The following WSB1 variants were observed in gnomAD, a reference collection of about 807,000 sequenced individuals.
WSB1 encodes the protein WD repeat and SOCS box containing 1.
A neutral mutation model predicts 50.2 loss-of-function variants in WSB1; 23 were observed. That is an observed-to-expected ratio of 0.46 (90% CI 0.33 to 0.65). The LOEUF (loss-of-function observed/expected upper bound fraction) is 0.65. Ranked by LOEUF, WSB1 falls within the 30% of genes least tolerant of loss-of-function variation. WSB1 has a pLI of 0.02. For synonymous variants in WSB1, 179 were observed against 172.0 expected (o/e 1.04, Z -0.32); for missense variants, 492 against 522.3 (o/e 0.94, Z 0.56).
At position 27,314,001 on chromosome 17, in the gene WSB1, A is replaced by G. The variant is rs1276394804; in HGVS notation, c.*1632A>G. On this transcript the variant is annotated 3_prime_UTR_variant, in exon 9 of 9. Coordinates refer to ENST00000262394, the MANE Select transcript of WSB1 (RefSeq NM_015626.10). ...AGCAGTCTGGGTCCTTTGAGAAGGC[A>G]TTAAAAAAGCAAAACTCTTATGAGC... The G allele has an allele frequency of 6.6e-6, 1 of 152,244 alleles. No individual in the cohort carries two copies. Among genetic ancestry groups the G allele is most frequent in the African/African-American group, 2.4e-5 (1 of 41,466 alleles). 9.4% of individuals were successfully genotyped at this position (152,244 alleles called of 1,614,324 possible). A position where few individuals can be genotyped will look rare whatever the true frequency, so the allele number is the denominator to read the frequency against.
intron 5 of WSB1, chr17:27,307,115 G>GT (rs772741598): frequency 0.11 from 38,765 of 367,484 alleles, 215 homozygotes; most frequent in South Asian, 0.13. Context: ...GCATATCAGG[G>GT]TTTTTTTTTT....
In WSB1 at chr17:27,312,212, C is replaced by T. The variant is rs749064771; in HGVS notation, c.1109C>T (p.Thr370Ile). ...STDGSVLAAG[T>I]HDGSVYFWAT... ...GCATGTGCTTTGTTTCTGTTTAGGA[C>T]ACATGACGGAAGTGTGTATTTTTGG... Residue 370 changes from threonine (T) to isoleucine (I), a missense_variant and splice_region_variant, in exon 9 of 9, where the codon ACA becomes ATA. Thr to Ile is a moderately conservative substitution (Grantham distance 89). Transcript: ENST00000262394. 2 of 1,607,258 alleles carry T rather than the reference C, an allele frequency of 1.2e-6. No homozygotes were observed. Among genetic ancestry groups the T allele is most frequent in the Non-Finnish European group, 1.7e-6 (2 of 1,178,142 alleles).
chr17:27,294,229 A>G lies in WSB1; in HGVS notation c.-167A>G. On this transcript the variant is annotated 5_prime_UTR_variant, in exon 1 of 9. Transcript: ENST00000262394. ...CGTACTTTGGTCTGAGGCCTTCGGG[A>G]GCTTTCCCGAGGCAGTTAGCAGAAG... 1.2e-6 allele frequency: 1 copy of G among 845,268 alleles called. No individual in the cohort carries two copies. The highest frequency in any genetic ancestry group is 1.8e-6 in the Non-Finnish European group (1 of 546,904). The allele number at this position is 845,268 out of a possible 1,614,324, so 52.4% of individuals were successfully genotyped here.
chr17:27,309,337 T>C, intron 6 of WSB1, 65 bp downstream of exon 6: 1 of 1,300,858 alleles, frequency 7.7e-7, no homozygotes, highest in Middle Eastern at 2.0e-4. Flanking sequence ...TGTGAATAAT[T>C]ACAATCACCA....
rs558450325 is a variant in WSB1 at position 27,304,988 on chromosome 17, G to A, written c.610+77G>A. On this transcript the variant is annotated intron_variant, in intron 4 of 8. Transcript: ENST00000262394. ...TGGAGAGGTATTGGGAACATGTGGG[G>A]CATTTGACTTTAAAAATGACATGTG... is the stretch of plus-strand genomic sequence containing the variant. The A allele has an allele frequency of 1.1e-5, 17 of 1,550,652 alleles. No individual in the cohort carries two copies. In the African/African-American group the frequency reaches 2.2e-4, roughly 20 times the overall value.
rs184912090 is a variant in WSB1, at chr17:27,295,458, T to G, written c.40+1023T>G. 1.5e-3 allele frequency among the ~76,000 whole-genome samples: 223 copies of G among 152,280 alleles called. 1 individual carries two copies. Among genetic ancestry groups the G allele is most frequent in the African/African-American group, 5.2e-3 (217 of 41,550 alleles). The stretch of plus-strand genomic sequence containing the variant: ...ATTTTTATATCTAGAAACAGCTGTT[T>G]TAGAATTCTGGACTTTTGTTGTCTT... On this transcript the variant is annotated intron_variant, in intron 1 of 8. Coordinates refer to ENST00000262394, the MANE Select transcript of WSB1 (RefSeq NM_015626.10).
rs2017243342 is a variant in WSB1 at position 27,301,829 on chromosome 17, C to T, written c.82C>T (p.Pro28Ser). ...AGGTGAACTTTTAGCTCCTGCAGCT[C>T]CTTTTGACAAGAAATGTGGTCGTGA... Reference protein sequence around the residue: ...TIGELLAPAAPFDKKCGRENW... With the variant: ...TIGELLAPAASFDKKCGRENW... The change falls in exon 2 of 9, where the codon CCT becomes TCT. Residue 28 changes from proline (P) to serine (S), a missense_variant. Physicochemically the swap from Pro to Ser is moderately conservative, Grantham distance 74. Transcript: ENST00000262394. 1.2e-6 allele frequency: 2 copies of T among 1,613,968 alleles called. No individual in the cohort carries two copies. The highest frequency in any genetic ancestry group is 1.7e-5 in the Admixed American group (1 of 59,978).
intron 8 of WSB1, 72 bp downstream of exon 8, chr17:27,311,688 G>C (rs1286997249): frequency 1.4e-5 from 16 of 1,107,206 alleles, no homozygotes; most frequent in Non-Finnish European, 1.9e-5. Flanking sequence ...CTGGAGTACA[G>C]TGGTGCAATC....
chr17:27,312,024 TA>T (rs1223484143), intron 8 of WSB1, among the ~76,000 whole-genome samples, 185 bp from the exon 9 acceptor site: 1 of 152,220 alleles, frequency 6.6e-6, no homozygotes, highest in Non-Finnish European at 1.5e-5. Context: ...AAAACTCTAA[TA>T]AGTGTTCTTC....
At chr17:27,304,740 A>G (rs1597760394) in intron 3 of WSB1, 40 bp from the exon 4 acceptor site, 1 of 1,594,766 alleles carries the variant, frequency 6.3e-7, no homozygotes, top group Non-Finnish European at 8.6e-7. Context: ...ACAAAAATAT[A>G]TTAATACTGT....
intron 4 of WSB1, 47 bp from the exon 5 acceptor site, chr17:27,306,735 T>C (rs2017476354): frequency 1.3e-6 from 2 of 1,578,162 alleles, no homozygotes; most frequent in Non-Finnish European, 1.7e-6. Context: ...ATACTGCTCA[T>C]TTGAAGTGGA....
chr17:27,307,899 A>G (rs2017523235), intron 5 of WSB1: 7 of 1,438,832 alleles, frequency 4.9e-6, no homozygotes, highest in Non-Finnish European at 6.4e-6. Context: ...TTCGGCTGCA[A>G]GGTGTACTGT....
At chr17:27,306,391 T>G (rs2017459777) in intron 4 of WSB1, among the ~76,000 whole-genome samples, 2 of 151,974 alleles carry the variant, frequency 1.3e-5, no homozygotes, top group Non-Finnish European at 2.9e-5. Flanking sequence ...TTTTTAATGT[T>G]TTTTAGTAGA....
At chr17:27,307,015 G>A in intron 5 of WSB1, 133 bp downstream of exon 5, 1 of 806,150 alleles carries the variant, frequency 1.2e-6, no homozygotes, top group East Asian at 2.9e-5. Context: ...ATTTCATGAT[G>A]GGGGAGAATT....
intron 2 of WSB1, 179 bp from the exon 3 acceptor site, chr17:27,303,188 T>C (rs2017305413): frequency 1.6e-6 from 1 of 625,976 alleles, no homozygotes; most frequent in Non-Finnish European, 2.6e-6. Flanking sequence ...TTTCTATTAA[T>C]GTCCTTCTCT....
intron 3 of WSB1, 138 bp from the exon 4 acceptor site, chr17:27,304,642 G>T: frequency 2.9e-6 from 2 of 691,082 alleles, no homozygotes; most frequent in South Asian, 4.7e-5. Context: ...AACCCAGGAG[G>T]TCGAGGCTGT....
rs953256937 is a variant in WSB1 at position 27,306,712 on chromosome 17, C to G, written c.611-70C>G. ...TAAATGTTTGTGATCCTTTGCTTTA[C>G]TGCTGTTTTGAAATACTGCTCATTT... On this transcript the variant is annotated intron_variant, in intron 4 of 8. Transcript: ENST00000262394. 1.0e-5 allele frequency: 15 copies of G among 1,460,900 alleles called. No homozygotes were observed. The African/African-American group carries it at 1.8e-4, about 18-fold the overall frequency. 90.5% of individuals were successfully genotyped at this position (1,460,900 alleles called of 1,614,324 possible).
At chr17:27,312,133 G>A in intron 8 of WSB1, 77 bp from the exon 9 acceptor site, 2 of 1,528,750 alleles carry the variant, frequency 1.3e-6, no homozygotes, top group Non-Finnish European at 1.8e-6. Context: ...CATGTATTGG[G>A]TGATAGTTGT....
intron 2 of WSB1, 172 bp from the exon 3 acceptor site, chr17:27,303,195 C>A: frequency 3.1e-6 from 2 of 648,582 alleles, no homozygotes; most frequent in Non-Finnish European, 4.8e-6. Context: ...TAATGTCCTT[C>A]TCTCGTAGTT....
Sources: allele counts gnomAD v4.1 joint callset (sites outside exome capture counted in the v4.1 genomes callset), GRCh38; gene constraint gnomAD v4.1.1; transcripts MANE v1.5; gene names NCBI Gene and HGNC (gene_info 2026-07-23, HGNC 2026-07-21).